TMEM117: variants seen among roughly 807,000 people sequenced by gnomAD.
TMEM117 encodes transmembrane protein 117.
TMEM117 carries 27 observed loss-of-function variants against 52.4 expected under a neutral mutation model. That is an observed-to-expected ratio of 0.51 (90% confidence interval 0.38 to 0.71). The LOEUF is 0.71. Ranked by LOEUF, TMEM117 falls within the 30% of genes least tolerant of loss-of-function variation. The pLI, the probability that TMEM117 is intolerant of heterozygous loss-of-function variation, is 0.00. For synonymous variants in TMEM117, 215 were observed against 206.3 expected, an observed-to-expected ratio of 1.04 and a Z score of -0.36; for missense variants, 556 against 630.5, an observed-to-expected ratio of 0.88 and a Z score of 1.26.
chr12:44,165,181 T>C (rs1398375324), intron 4 of TMEM117, among the ~76,000 whole-genome samples: 1 of 152,004 alleles, frequency 6.6e-6, no homozygotes, highest in Non-Finnish European at 1.5e-5. Flanking sequence ...CAATATGGTG[T>C]GAACACACAA....
intron 5 of TMEM117, among the ~76,000 whole-genome samples, chr12:44,220,592 C>G (rs185389266): frequency 6.6e-6 from 1 of 152,082 alleles, no homozygotes; most frequent in Non-Finnish European, 1.5e-5. Flanking sequence ...AATAAGCACA[C>G]CCCCTACCCA....
At chr12:44,072,246 A>C (rs1022146515) in intron 3 of TMEM117, among the ~76,000 whole-genome samples, 1 of 152,056 alleles carries the variant, frequency 6.6e-6, no homozygotes, top group Non-Finnish European at 1.5e-5. Flanking sequence ...AACATACAGC[A>C]TGCTTTATTT....
intron 3 of TMEM117, among the ~76,000 whole-genome samples, chr12:43,944,705 G>T (rs1297867020): frequency 6.6e-6 from 1 of 152,156 alleles, no homozygotes; most frequent in African/African-American, 2.4e-5. Flanking sequence ...TTCCAGGTTT[G>T]CAATTTCATT....
chr12:43,865,120 C>G (rs1255687388), intron 2 of TMEM117, among the ~76,000 whole-genome samples: 1 of 152,162 alleles, frequency 6.6e-6, no homozygotes, highest in African/African-American at 2.4e-5. Flanking sequence ...CCTTTAAGAA[C>G]TGTAACACTC....
chr12:44,132,348 G>A (rs1271563317), intron 3 of TMEM117, among the ~76,000 whole-genome samples: 2 of 151,970 alleles, frequency 1.3e-5, no homozygotes, highest in Non-Finnish European at 2.9e-5. Context: ...ACTTCTTCAT[G>A]TAGCAAATAT....
intron 3 of TMEM117, among the ~76,000 whole-genome samples, chr12:44,137,265 T>C (rs1451645606): frequency 6.6e-6 from 1 of 152,030 alleles, no homozygotes; most frequent in Non-Finnish European, 1.5e-5. Context: ...TCAAAAGTAA[T>C]GGCAGTAGGT....
intron 6 of TMEM117, among the ~76,000 whole-genome samples, chr12:44,363,634 C>A (rs1222459194): frequency 6.6e-6 from 1 of 152,086 alleles, no homozygotes; most frequent in Non-Finnish European, 1.5e-5. Context: ...TGAAAAAAAT[C>A]TTTCACTGAT....
intron 4 of TMEM117, among the ~76,000 whole-genome samples, chr12:44,165,808 A>G (rs1230100254): frequency 6.6e-6 from 1 of 152,230 alleles, no homozygotes; most frequent in Non-Finnish European, 1.5e-5. Flanking sequence ...TCAGCATTGG[A>G]CAGATCATCT....
At chr12:43,881,671 C>G (rs553590455) in intron 2 of TMEM117, among the ~76,000 whole-genome samples, 64 of 151,606 alleles carry the variant, frequency 4.2e-4, no homozygotes, top group Admixed American at 3.8e-3. Context: ...TGCCTGTAAT[C>G]CCAGCTACTC....
At chr12:44,216,328 G>T (rs1323702353) in intron 5 of TMEM117, among the ~76,000 whole-genome samples, 1 of 151,992 alleles carries the variant, frequency 6.6e-6, no homozygotes, top group Non-Finnish European at 1.5e-5. Flanking sequence ...CTTTTCAGTT[G>T]CAATTGTGGA....
At chr12:43,945,108 T>TATAAATAAATAAATAA (rs1945109464) in intron 3 of TMEM117, among the ~76,000 whole-genome samples, 1 of 8,734 alleles carries the variant, frequency 1.1e-4, no homozygotes, top group South Asian at 8.2e-3. Context: ...AGACTCCGTC[T>TATAAATAAATAAATAA]CTAAATAAAT....
the TMEM117 span, among the ~76,000 whole-genome samples, chr12:43,820,598 T>A: frequency 2.7e-5 from 4 of 145,810 alleles, no homozygotes; most frequent in Non-Finnish European, 4.5e-5. Flanking sequence ...TTTTTTTTTT[T>A]TATAGAATCA....
chr12:43,871,878 A>T (rs114441089), intron 2 of TMEM117, among the ~76,000 whole-genome samples: 2,064 of 152,290 alleles, frequency 0.014, 35 homozygotes, highest in African/African-American at 0.048. Flanking sequence ...ATAGCAAAAA[A>T]ATATACATAT....
intron 3 of TMEM117, among the ~76,000 whole-genome samples, chr12:43,978,425 C>T (rs1047161544): frequency 2.0e-5 from 3 of 151,976 alleles, no homozygotes; most frequent in Non-Finnish European, 4.4e-5. Context: ...TCTCCAGGGC[C>T]AATATTAAGG....
At chr12:44,184,116 C>T (rs988732145) in intron 4 of TMEM117, among the ~76,000 whole-genome samples, 20 of 152,082 alleles carry the variant, frequency 1.3e-4, no homozygotes, top group Admixed American at 2.0e-4. Context: ...GAGGCTGAGG[C>T]GGGCGGATCA....
chr12:44,338,291 A>G (rs1439490854), intron 6 of TMEM117, among the ~76,000 whole-genome samples: 1 of 152,142 alleles, frequency 6.6e-6, no homozygotes, highest in Non-Finnish European at 1.5e-5. Flanking sequence ...ATGTCAGTCT[A>G]TAAAGTGATT....
intron 2 of TMEM117, among the ~76,000 whole-genome samples, chr12:43,884,166 G>A (rs868850685): frequency 6.6e-5 from 10 of 151,066 alleles, no homozygotes; most frequent in Admixed American, 1.3e-4. Context: ...AAGAAAGATT[G>A]TATTACTCTA....
At chr12:44,284,122 G>A (rs1216773418) in intron 5 of TMEM117, among the ~76,000 whole-genome samples, 2 of 152,132 alleles carry the variant, frequency 1.3e-5, no homozygotes, top group African/African-American at 4.8e-5. Flanking sequence ...AGACCATCCT[G>A]GCCAACATGG....
chr12:43,815,551 C>A, the TMEM117 span, among the ~76,000 whole-genome samples: 37 of 152,246 alleles, frequency 2.4e-4, no homozygotes, highest in African/African-American at 7.9e-4. Flanking sequence ...GATAAAATAC[C>A]AGGAAACAGC....
Sources: allele counts gnomAD v4.1 joint callset (sites outside exome capture counted in the v4.1 genomes callset), GRCh38; gene constraint gnomAD v4.1.1; transcripts MANE v1.5; gene names NCBI Gene and HGNC (gene_info 2026-07-23, HGNC 2026-07-21).